HDAC9: variants seen among roughly 807,000 people sequenced by gnomAD.
HDAC9 encodes the protein histone deacetylase 9, also known as MEF-2 interacting transcription repressor (MITR) protein.
A neutral mutation model predicts 139.4 loss-of-function variants in HDAC9; 41 were observed. The ratio of observed to expected loss-of-function variants is 0.29; its 90% CI spans 0.23 to 0.38. The LOEUF (loss-of-function observed/expected upper bound fraction) is 0.38. Among genes scored for constraint, HDAC9 ranks in the 10% least tolerant of loss-of-function variants. HDAC9 has a pLI of 1.00. For synonymous variants in HDAC9, 517 were observed against 476.2 expected (o/e 1.09, Z -1.12); for missense variants, 1,147 against 1,297.0 (o/e 0.88, Z 1.78).
Position 18,712,812 on chromosome 7 carries a change from G to A in HDAC9, c.1732-14768G>A, listed in dbSNP as rs1784441070. 3.3e-5 allele frequency among the ~76,000 whole-genome samples: 5 copies of A among 152,260 alleles called. No homozygotes were observed. In the South Asian group the frequency reaches 1.0e-3, roughly 32 times the overall value. On this transcript the variant is annotated intron_variant, in intron 12 of 25. Transcript: ENST00000686413. ...AAATTATAATAGCATGTGCATAAATGTGCATAATAATATTATTTTATGTCT... is the reference window on the plus strand; with the variant it reads ...AAATTATAATAGCATGTGCATAAATATGCATAATAATATTATTTTATGTCT...
At chr7:18,363,508 GTTA>G (rs1315351322) in intron 1 of HDAC9, among the ~76,000 whole-genome samples, 4 of 152,260 alleles carry the variant, frequency 2.6e-5, no homozygotes, top group East Asian at 1.9e-4. Flanking sequence ...AGAAAATGTT[GTTA>G]TTATTATTTG....
intron 24 of HDAC9, 158 bp downstream of exon 24, chr7:18,954,388 C>A (rs1277119053): frequency 3.3e-6 from 2 of 602,148 alleles, no homozygotes; most frequent in Non-Finnish European, 5.7e-6. Flanking sequence ...ATGCAGCAAT[C>A]TTATCTTACA....
intron 23 of HDAC9, among the ~76,000 whole-genome samples, chr7:18,941,244 C>T (rs1474078837): frequency 6.6e-6 from 1 of 151,684 alleles, no homozygotes; most frequent in African/African-American, 2.4e-5. Flanking sequence ...TCCCTTTCTC[C>T]CTCCCTCTCT....
intron 2 of HDAC9, among the ~76,000 whole-genome samples, chr7:18,511,050 G>A (rs1222566109): frequency 6.6e-6 from 1 of 152,190 alleles, no homozygotes; most frequent in Non-Finnish European, 1.5e-5. Flanking sequence ...ACACAGTGTA[G>A]TATATCATGG....
intron 11 of HDAC9, among the ~76,000 whole-genome samples, chr7:18,653,152 C>T (rs749766372): frequency 6.7e-6 from 1 of 150,160 alleles, no homozygotes. Flanking sequence ...GCAGGAGAAT[C>T]GCTTGAACCC....
chr7:18,544,613 C>G (rs193145144), intron 2 of HDAC9, among the ~76,000 whole-genome samples: 43 of 152,208 alleles, frequency 2.8e-4, no homozygotes, highest in Admixed American at 1.3e-3. Flanking sequence ...CTGGGACACT[C>G]CACCATTTAG....
chr7:18,545,147 C>T (rs1814352925), intron 2 of HDAC9, among the ~76,000 whole-genome samples: 1 of 152,188 alleles, frequency 6.6e-6, no homozygotes, highest in African/African-American at 2.4e-5. Context: ...TGTGCTTAGA[C>T]ACCCCAGGGT....
chr7:18,353,989 C>T (rs1783059512), intron 1 of HDAC9, among the ~76,000 whole-genome samples: 1 of 152,100 alleles, frequency 6.6e-6, no homozygotes, highest in African/African-American at 2.4e-5. Context: ...TATGCACATT[C>T]TAAGCCAAGG....
chr7:18,257,128 G>GTA (rs1457729054), intron 2 of HDAC9, among the ~76,000 whole-genome samples: 1 of 150,984 alleles, frequency 6.6e-6, no homozygotes, highest in Non-Finnish European at 1.5e-5. Flanking sequence ...ATGTGTGTGT[G>GTA]TGTGTGTGTG....
intron 2 of HDAC9, among the ~76,000 whole-genome samples, chr7:18,551,127 A>G (rs911636439): frequency 2.0e-5 from 3 of 152,222 alleles, no homozygotes; most frequent in African/African-American, 7.2e-5. Flanking sequence ...GGGGTAAAAC[A>G]TGATTCCAAG....
chr7:18,732,293 C>T (rs1381104231), intron 13 of HDAC9, among the ~76,000 whole-genome samples: 3 of 152,136 alleles, frequency 2.0e-5, no homozygotes. Context: ...ACTCATTATT[C>T]TCCCACTCAG....
chr7:18,638,253 T>G (rs1784510003), intron 8 of HDAC9, among the ~76,000 whole-genome samples: 1 of 152,106 alleles, frequency 6.6e-6, no homozygotes, highest in African/African-American at 2.4e-5. Flanking sequence ...AATGGGATTC[T>G]ATCCTATTGT....
chr7:18,331,001 A>C (rs975538614), intron 1 of HDAC9, among the ~76,000 whole-genome samples: 2 of 151,718 alleles, frequency 1.3e-5, no homozygotes, highest in East Asian at 3.9e-4. Flanking sequence ...CATGAATACA[A>C]TTTGAGTTGA....
rs1318774214 is a variant in HDAC9, at chr7:18,999,482, GT to G, written c.*3424del. 4 of 152,200 alleles carry G rather than the reference GT, an allele frequency of 2.6e-5. No homozygotes were observed. Among genetic ancestry groups the G allele is most frequent in the Non-Finnish European group, 5.9e-5 (4 of 68,064 alleles). 9.4% of individuals were successfully genotyped at this position (152,200 alleles called of 1,614,324 possible). On this transcript the variant is annotated 3_prime_UTR_variant, in exon 26 of 26. Coordinates refer to ENST00000686413, the MANE Select transcript of HDAC9 (RefSeq NM_178425.4). ...AAAACTTTTTTATTTTTGAGTCAGAGTTTTGCTCTTGGTGCCCAGGCTGGAG... is the reference window on the plus strand; with the variant it reads ...AAAACTTTTTTATTTTTGAGTCAGAGTTTGCTCTTGGTGCCCAGGCTGGAG...
chr7:18,515,706 G>A (rs543781366), intron 2 of HDAC9, among the ~76,000 whole-genome samples: 8 of 152,172 alleles, frequency 5.3e-5, no homozygotes, highest in Non-Finnish European at 1.0e-4. Context: ...CAATCCCTGA[G>A]TTAATTAAAA....
At chr7:18,268,277 C>G (rs988559281) in intron 2 of HDAC9, among the ~76,000 whole-genome samples, 6 of 152,124 alleles carry the variant, frequency 3.9e-5, no homozygotes, top group Non-Finnish European at 7.4e-5. Context: ...TATTGACACA[C>G]ATACAGTCGA....
At chr7:18,724,429 A>T (rs1785373718) in intron 12 of HDAC9, among the ~76,000 whole-genome samples, 2 of 152,316 alleles carry the variant, frequency 1.3e-5, no homozygotes, top group South Asian at 4.1e-4. Context: ...ACAGTTTATT[A>T]TAAAAGGTAA....
At chr7:18,401,045 G>T (rs561031207) in intron 1 of HDAC9, among the ~76,000 whole-genome samples, 34 of 152,138 alleles carry the variant, frequency 2.2e-4, no homozygotes, top group Non-Finnish European at 5.0e-4. Flanking sequence ...CTGTTTATGG[G>T]CTTTCTGGAG....
At chr7:18,659,583 G>GCAT (rs1792476448) in intron 11 of HDAC9, among the ~76,000 whole-genome samples, 1 of 152,078 alleles carries the variant, frequency 6.6e-6, no homozygotes. Flanking sequence ...GCTGCCCGTG[G>GCAT]CATGCTTAGT....
Sources: allele counts gnomAD v4.1 joint callset (sites outside exome capture counted in the v4.1 genomes callset), GRCh38; gene constraint gnomAD v4.1.1; transcripts MANE v1.5; gene names NCBI Gene and HGNC (gene_info 2026-07-23, HGNC 2026-07-21).